ROBO2: variants seen among roughly 807,000 people sequenced by gnomAD.
ROBO2 encodes roundabout homolog 2.
ROBO2 carries 53 observed loss-of-function variants against 160.8 expected under a neutral mutation model. That is an observed-to-expected ratio of 0.33 (90% CI 0.26 to 0.41). The LOEUF (loss-of-function observed/expected upper bound fraction) is 0.41. Ranked by LOEUF, ROBO2 falls within the 10% of genes least tolerant of loss-of-function variation. The pLI, the probability that ROBO2 is intolerant of heterozygous loss-of-function variation, is 1.00. For synonymous variants in ROBO2, 664 were observed against 611.7 expected, an observed-to-expected ratio of 1.09 and a Z score of -1.26; for missense variants, 1,577 against 1,722.4, an observed-to-expected ratio of 0.92 and a Z score of 1.49.
intron 2 of ROBO2, among the ~76,000 whole-genome samples, chr3:77,130,089 TAAAC>T (rs1219190005): frequency 1.3e-5 from 2 of 152,286 alleles, no homozygotes; most frequent in Middle Eastern, 3.4e-3. Context: ...CTTCAACTGT[TAAAC>T]AACCACAGAA....
intron 2 of ROBO2, among the ~76,000 whole-genome samples, chr3:76,679,275 T>C (rs1031229518): frequency 5.3e-5 from 8 of 152,180 alleles, no homozygotes; most frequent in African/African-American, 1.9e-4. Flanking sequence ...AAAACTCAAA[T>C]TACCTGTGGC....
chr3:77,376,513 C>T (rs1203765484), intron 2 of ROBO2, among the ~76,000 whole-genome samples: 3 of 152,068 alleles, frequency 2.0e-5, no homozygotes, highest in Non-Finnish European at 4.4e-5. Flanking sequence ...CTTGATTTTG[C>T]ATTACAGTTA....
chr3:76,021,364 A>G (rs1011411019), intron 2 of ROBO2, among the ~76,000 whole-genome samples: 1 of 151,848 alleles, frequency 6.6e-6, no homozygotes, highest in Non-Finnish European at 1.5e-5. Flanking sequence ...ACCTACCAAT[A>G]ACAAGATAGA....
intron 2 of ROBO2, among the ~76,000 whole-genome samples, chr3:76,392,138 T>A (rs1464358959): frequency 6.6e-6 from 1 of 152,334 alleles, no homozygotes; most frequent in Non-Finnish European, 1.5e-5. Flanking sequence ...TATTTATGCC[T>A]AATTATGAAG....
intron 2 of ROBO2, among the ~76,000 whole-genome samples, chr3:77,119,452 C>T (rs1465193614): frequency 6.6e-6 from 1 of 152,148 alleles, no homozygotes; most frequent in African/African-American, 2.4e-5. Flanking sequence ...ATTATTTTAG[C>T]ATAAAGATTA....
At chr3:76,428,716 CTAT>C (rs2076317643) in intron 2 of ROBO2, among the ~76,000 whole-genome samples, 1 of 152,118 alleles carries the variant, frequency 6.6e-6, no homozygotes, top group Non-Finnish European at 1.5e-5. Flanking sequence ...CATTTGACTA[CTAT>C]TATTAGTGGA....
chr3:77,136,852 G>A (rs2076319391), intron 2 of ROBO2, among the ~76,000 whole-genome samples: 1 of 152,020 alleles, frequency 6.6e-6, no homozygotes, highest in Non-Finnish European at 1.5e-5. Context: ...AGCCAGGATG[G>A]TCTCGATCTC....
chr3:77,393,170 A>G (rs1325497813), intron 2 of ROBO2, among the ~76,000 whole-genome samples: 2 of 152,178 alleles, frequency 1.3e-5, no homozygotes, highest in African/African-American at 2.4e-5. Context: ...GTTTATTGAT[A>G]TAATATCAAT....
chr3:77,632,772 C>T (rs570848321), intron 23 of ROBO2: 121 of 894,874 alleles, frequency 1.4e-4, no homozygotes, highest in African/African-American at 1.1e-3. Flanking sequence ...TTCTTTAATA[C>T]GCATGAATAC....
At chr3:76,622,173 A>C (rs1238062429) in intron 2 of ROBO2, among the ~76,000 whole-genome samples, 2 of 149,284 alleles carry the variant, frequency 1.3e-5, no homozygotes, top group African/African-American at 5.0e-5. Flanking sequence ...GCAAGACCTC[A>C]TATCTACTAA....
chr3:77,296,175 T>C (rs940481141), intron 2 of ROBO2, among the ~76,000 whole-genome samples: 1 of 150,658 alleles, frequency 6.6e-6, no homozygotes, highest in African/African-American at 2.5e-5. Context: ...AAGCTGAGGC[T>C]AGATCACCCC....
intron 2 of ROBO2, among the ~76,000 whole-genome samples, chr3:76,122,815 T>C (rs932112324): frequency 1.3e-5 from 2 of 152,182 alleles, no homozygotes; most frequent in Admixed American, 6.5e-5. Flanking sequence ...TTTGTAACAA[T>C]AAAAATACCC....
intron 2 of ROBO2, among the ~76,000 whole-genome samples, chr3:76,934,958 A>ATTTTTTTTTTTTTTTTTT (rs151316771): frequency 6.8e-6 from 1 of 146,728 alleles, no homozygotes; most frequent in Non-Finnish European, 1.5e-5. Flanking sequence ...AGGCTTCACA[A>ATTTTTTTTTTTTTTTTTT]ATTTTTTTTT....
intron 2 of ROBO2, among the ~76,000 whole-genome samples, chr3:76,544,443 G>A (rs2082983893): frequency 6.6e-6 from 1 of 151,928 alleles, no homozygotes; most frequent in Non-Finnish European, 1.5e-5. Flanking sequence ...GAGTTTTATA[G>A]TATTATCTAA....
At chr3:77,526,179 T>C (rs1034538528) in intron 6 of ROBO2, among the ~76,000 whole-genome samples, 4 of 151,542 alleles carry the variant, frequency 2.6e-5, no homozygotes, top group African/African-American at 9.7e-5. Context: ...AATTGCCTTA[T>C]TGCCTATGGT....
chr3:77,430,859 T>C (rs1269743393), intron 2 of ROBO2, among the ~76,000 whole-genome samples: 1 of 152,232 alleles, frequency 6.6e-6, no homozygotes, highest in African/African-American at 2.4e-5. Flanking sequence ...ATATGGCTAG[T>C]TGATGATCTC....
intron 2 of ROBO2, among the ~76,000 whole-genome samples, chr3:76,872,939 T>C (rs2072273506): frequency 6.6e-6 from 1 of 152,144 alleles, no homozygotes; most frequent in Admixed American, 6.5e-5. Context: ...CTTAAATGTA[T>C]TTAGATACTG....
intron 2 of ROBO2, among the ~76,000 whole-genome samples, chr3:76,212,386 C>G (rs1412638652): frequency 6.6e-6 from 1 of 151,698 alleles, no homozygotes; most frequent in African/African-American, 2.4e-5. Flanking sequence ...AAAAGAGGGA[C>G]AGGGCCCGAG....
At chr3:77,328,258 T>C (rs901648904) in intron 2 of ROBO2, among the ~76,000 whole-genome samples, 2 of 152,022 alleles carry the variant, frequency 1.3e-5, no homozygotes, top group Non-Finnish European at 2.9e-5. Context: ...AGTACATTAC[T>C]GTAAGTCCCT....
Sources: gnomAD v4.1 joint callset for allele counts (sites outside exome capture counted in the v4.1 genomes callset) on GRCh38, gnomAD v4.1.1 for gene constraint, MANE v1.5 for transcripts, NCBI Gene and HGNC (gene_info 2026-07-23, HGNC 2026-07-21) for gene names.